LTAP1: variants seen among roughly 807,000 people sequenced by gnomAD.
LTAP1 encodes HCV NS5A-transactivated protein 4.
chr1:154,210,943 G>A, the LTAP1 span, among the ~76,000 whole-genome samples: 6 of 152,224 alleles, frequency 3.9e-5, no homozygotes, highest in Admixed American at 3.3e-4. Context: ...TATAGCGATG[G>A]CCTTTGTTTC....
the LTAP1 span, chr1:154,206,886 AAGT>A: frequency 1.3e-5 from 2 of 155,420 alleles, no homozygotes; most frequent in Non-Finnish European, 2.8e-5. Context: ...TGTGGAATTA[AAGT>A]AGATCCTTGC....
chr1:154,211,146 A>T, the LTAP1 span, among the ~76,000 whole-genome samples: 1 of 149,678 alleles, frequency 6.7e-6, no homozygotes, highest in Non-Finnish European at 1.5e-5. Flanking sequence ...CTGGTATTAC[A>T]GGAGCCCGCC....
chr1:154,218,073 G>A, the LTAP1 span, among the ~76,000 whole-genome samples: 3 of 152,152 alleles, frequency 2.0e-5, no homozygotes, highest in Non-Finnish European at 2.9e-5. Flanking sequence ...AGGACTACAG[G>A]TATGAGCCAC....
At chr1:154,210,731 G>A in the LTAP1 span, among the ~76,000 whole-genome samples, 12 of 151,864 alleles carry the variant, frequency 7.9e-5, no homozygotes, top group Non-Finnish European at 1.8e-4. Context: ...CACCTGCCTC[G>A]GCCTCCCAGT....
the LTAP1 span, among the ~76,000 whole-genome samples, chr1:154,210,773 G>A: frequency 8.3e-4 from 126 of 152,128 alleles, 1 homozygote; most frequent in Admixed American, 1.4e-3. Context: ...CACTGCGCCC[G>A]GCCTAAGTTT....
the LTAP1 span, chr1:154,207,471 T>A: frequency 1.2e-6 from 2 of 1,614,036 alleles, no homozygotes; most frequent in Admixed American, 1.7e-5. Context: ...TACTCTCCAA[T>A]GTGTTATAGT....
the LTAP1 span, chr1:154,207,550 G>C: frequency 6.2e-7 from 1 of 1,614,146 alleles, no homozygotes; most frequent in Non-Finnish European, 8.5e-7. Context: ...GGGGAGGTAT[G>C]TCACCTGGAT....
chr1:154,220,373 T>C, the LTAP1 span: 1 of 1,614,174 alleles, frequency 6.2e-7, no homozygotes, highest in Non-Finnish European at 8.5e-7. Flanking sequence ...CAGCACGACA[T>C]TCACCCCGGA....
the LTAP1 span, chr1:154,219,708 G>GT: frequency 1.1e-5 from 8 of 720,086 alleles, no homozygotes; most frequent in Admixed American, 1.6e-4. Context: ...GCTCAACTTA[G>GT]TAAGTACAAG....
chr1:154,213,815 A>G, the LTAP1 span: 1 of 1,188,834 alleles, frequency 8.4e-7, no homozygotes, highest in Non-Finnish European at 1.2e-6. Flanking sequence ...AAATCCTAAC[A>G]TACAAAGTGG....
chr1:154,213,979 C>G, the LTAP1 span: 1 of 1,599,034 alleles, frequency 6.3e-7, no homozygotes. Context: ...TAGGCATAAC[C>G]CTAAAAATAT....
the LTAP1 span, chr1:154,207,554 C>T: frequency 6.2e-7 from 1 of 1,614,106 alleles, no homozygotes; most frequent in Non-Finnish European, 8.5e-7. Context: ...AGGTATGTCA[C>T]CTGGATGGTT....
chr1:154,220,525 C>G, the LTAP1 span: 1 of 1,114,310 alleles, frequency 9.0e-7, no homozygotes, highest in Non-Finnish European at 1.4e-6. Flanking sequence ...CATTTCCTTA[C>G]GGGGGAAGAC....
the LTAP1 span, chr1:154,220,121 C>CGTG: frequency 1.4e-6 from 1 of 714,854 alleles, no homozygotes; most frequent in Non-Finnish European, 2.3e-6. Flanking sequence ...AGCAGGGAGG[C>CGTG]GTGGGGTCTG....
the LTAP1 span, among the ~76,000 whole-genome samples, chr1:154,217,551 G>T: frequency 2.0e-5 from 3 of 151,968 alleles, no homozygotes; most frequent in Non-Finnish European, 4.4e-5. Flanking sequence ...TGTTTTTGGT[G>T]AGACAGAGTC....
At chr1:154,218,882 A>G in the LTAP1 span, among the ~76,000 whole-genome samples, 1 of 152,236 alleles carries the variant, frequency 6.6e-6, no homozygotes, top group African/African-American at 2.4e-5. Flanking sequence ...GTGAAAATAA[A>G]GAGAGGGGGA....
At chr1:154,218,545 T>A in the LTAP1 span, among the ~76,000 whole-genome samples, 1 of 152,218 alleles carries the variant, frequency 6.6e-6, no homozygotes, top group Non-Finnish European at 1.5e-5. Context: ...GAGGGGAAGG[T>A]TAATAGCACT....
the LTAP1 span, among the ~76,000 whole-genome samples, chr1:154,215,502 C>G: frequency 6.6e-6 from 1 of 150,492 alleles, no homozygotes; most frequent in Non-Finnish European, 1.5e-5. Flanking sequence ...GGAGGCAGAG[C>G]TTGCAGTGAG....
chr1:154,207,716 G>T, the LTAP1 span: 1 of 1,281,636 alleles, frequency 7.8e-7, no homozygotes, highest in Non-Finnish European at 1.1e-6. Flanking sequence ...GCTTATCCCA[G>T]GCCATAAATG....
Sources: gnomAD v4.1 joint callset for allele counts (sites outside exome capture counted in the v4.1 genomes callset) on GRCh38, gnomAD v4.1.1 for gene constraint, MANE v1.5 for transcripts, NCBI Gene and HGNC (gene_info 2026-07-23, HGNC 2026-07-21) for gene names.